The following SPINT1 variants were observed in gnomAD, a reference collection of about 807,000 sequenced individuals.
The protein encoded by SPINT1 is kunitz-type protease inhibitor 1.
In SPINT1, 38 loss-of-function variants were observed where a neutral mutation model predicts 53.7. That is an observed-to-expected ratio of 0.71 (90% CI 0.55 to 0.93). The LOEUF (loss-of-function observed/expected upper bound fraction) is 0.93, where lower values mean the gene tolerates loss of function less well. Ranked by LOEUF, SPINT1 falls within the 40% of genes least tolerant of loss-of-function variation. The pLI is 0.00. For missense variants in SPINT1, 645 were observed against 692.9 expected, an observed-to-expected ratio of 0.93 and a Z score of 0.78; for synonymous variants, 283 against 280.6, an observed-to-expected ratio of 1.01 and a Z score of -0.08.
chr15:40,853,584 G>C lies in SPINT1; in HGVS notation c.699G>C (p.Thr233=). 1 of 1,613,976 alleles carries C rather than the reference G, an allele frequency of 6.2e-7. No individual in the cohort carries two copies. The part of the protein sequence containing the change: ...TVTSSDHPED[T]ANVTVTVLST... Reference sequence around the variant, plus strand: ...CTAGCTCAGACCACCCAGAGGACACGGCCAACGTCACAGTCACTGTGCTGT... The same window carrying C: ...CTAGCTCAGACCACCCAGAGGACACCGCCAACGTCACAGTCACTGTGCTGT... The change falls in exon 4 of 11, where the codon ACG becomes ACC. Residue 233 remains threonine, a synonymous_variant. Coordinates refer to ENST00000562057, the MANE Select transcript of SPINT1 (RefSeq NM_003710.4).
chr15:40,853,614 C>T lies in SPINT1; in HGVS notation c.729C>T (p.Thr243=). Residue 243 remains threonine (T), a synonymous_variant, in exon 4 of 11, where the codon ACC becomes ACT. Coordinates refer to ENST00000562057, the MANE Select transcript of SPINT1 (RefSeq NM_003710.4). ...TANVTVTVLS[T]KQTEDYCLAS... The stretch of plus-strand genomic sequence containing the variant: ...ACGTCACAGTCACTGTGCTGTCCAC[C>T]AAGCAGACAGAAGGTGAGGGAGGGG... 5 of 1,613,986 alleles carry T rather than the reference C, an allele frequency of 3.1e-6. No homozygotes were observed. The highest frequency in any genetic ancestry group is 4.2e-6 in the Non-Finnish European group (5 of 1,179,924).
intron 2 of SPINT1, among the ~76,000 whole-genome samples, chr15:40,848,924 G>T (rs1358329882): frequency 6.7e-6 from 1 of 149,962 alleles, no homozygotes; most frequent in Admixed American, 6.6e-5. Context: ...GTACCTTTTG[G>T]TTTTGGTTTT....
At chr15:40,849,578 A>G (rs1302261969) in intron 2 of SPINT1, among the ~76,000 whole-genome samples, 1 of 152,198 alleles carries the variant, frequency 6.6e-6, no homozygotes, top group Non-Finnish European at 1.5e-5. Context: ...TATTACCTAA[A>G]CTAGAAAAGC....
chr15:40,851,566 A>G (rs1214650161), intron 2 of SPINT1, among the ~76,000 whole-genome samples: 1 of 151,968 alleles, frequency 6.6e-6, no homozygotes, highest in East Asian at 1.9e-4. Context: ...TTATCCCCCT[A>G]GCCTGCCATG....
intron 2 of SPINT1, among the ~76,000 whole-genome samples, chr15:40,848,539 T>C (rs1411755376): frequency 1.3e-5 from 2 of 152,206 alleles, no homozygotes; most frequent in South Asian, 2.1e-4. Flanking sequence ...TATAATTGAA[T>C]ACTGTGATGC....
At chr15:40,845,209 G>A (rs567266762) in intron 2 of SPINT1, among the ~76,000 whole-genome samples, 180 bp downstream of exon 2, 1 of 151,134 alleles carries the variant, frequency 6.6e-6, no homozygotes, top group Non-Finnish European at 1.5e-5. Flanking sequence ...GTGCAATGGC[G>A]CAATCTCTGG....
intron 6 of SPINT1, 118 bp from the exon 7 acceptor site, chr15:40,854,279 T>C: frequency 6.9e-7 from 1 of 1,456,124 alleles, no homozygotes; most frequent in Non-Finnish European, 9.2e-7. Context: ...GGGGCAGGAG[T>C]GGGGTTGGTG....
intron 2 of SPINT1, among the ~76,000 whole-genome samples, chr15:40,849,065 T>G (rs138341632): frequency 0.055 from 8,373 of 151,178 alleles, 363 homozygotes; most frequent in African/African-American, 0.12. Flanking sequence ...GCTAACACGG[T>G]GAAACCCCGT....
Position 40,854,036 on chromosome 15 carries a change from C to T in SPINT1, c.914-24C>T, listed in dbSNP as rs376769889. 3.4e-5 allele frequency: 53 copies of T among 1,567,670 alleles called. No homozygotes were observed. In the African/African-American group the frequency reaches 7.1e-4, roughly 21 times the overall value. ...CCACTGGAGCCTGGTCATGCCTCCTCTCATTCTCTGTTCTCTCTCCCAGGC... is the reference window on the plus strand; with the variant it reads ...CCACTGGAGCCTGGTCATGCCTCCTTTCATTCTCTGTTCTCTCTCCCAGGC... On this transcript the variant is annotated intron_variant, in intron 5 of 10. Coordinates refer to ENST00000562057, the MANE Select transcript of SPINT1 (RefSeq NM_003710.4).
chr15:40,855,826 G>A, intron 8 of SPINT1, 66 bp from the exon 9 acceptor site: 4 of 1,542,822 alleles, frequency 2.6e-6, no homozygotes, highest in Non-Finnish European at 3.5e-6. Flanking sequence ...CAGCCACGTG[G>A]AGCCTAGCAG....
In SPINT1 at chr15:40,854,504, G is replaced by C; in HGVS notation, c.1048G>C (p.Glu350Gln). ...DTPNCPDASD[E>Q]AACEKYTSGF... ...CCCCAACTGCCCCGACGCCTCCGAC[G>C]AGGCTGCCTGTGAAAAATGTGAGGC... The change falls in exon 7 of 11, where the codon GAG becomes CAG. Residue 350 changes from glutamate (E) to glutamine (Q), a missense_variant. By Grantham distance (29) the Glu-to-Gln change is conservative. Coordinates refer to ENST00000562057, the MANE Select transcript of SPINT1 (RefSeq NM_003710.4). 1.9e-6 allele frequency: 3 copies of C among 1,613,432 alleles called. No individual in the cohort carries two copies. Among genetic ancestry groups the C allele is most frequent in the Non-Finnish European group, 2.5e-6 (3 of 1,179,850 alleles).
In SPINT1 at chr15:40,844,259, G is replaced by A. The variant is rs1891195684; in HGVS notation, c.-66+73G>A. On this transcript the variant is annotated intron_variant, in intron 1 of 10. Coordinates refer to ENST00000562057, the MANE Select transcript of SPINT1 (RefSeq NM_003710.4). This position sits in a 1 kb window ranked among gnomAD's most constrained non-coding sequence, Gnocchi z 5.8. ...TGGAGCATGTCCGGCCCTTTGTTCT[G>A]CGCTCGTGCGTGTGTCCGGGTACTT... The A allele has an allele frequency of 1.9e-6, 1 of 521,736 alleles. No homozygotes were observed. The highest frequency in any genetic ancestry group is 3.4e-6 in the Non-Finnish European group (1 of 290,686). 32.3% of individuals were successfully genotyped at this position (521,736 alleles called of 1,614,324 possible). A position where few individuals can be genotyped will look rare whatever the true frequency, so the allele number is the denominator to read the frequency against.
Position 40,855,882 on chromosome 15 carries a change from T to G in SPINT1, c.1118-10T>G. 2.5e-6 allele frequency: 4 copies of G among 1,609,304 alleles called. No individual in the cohort carries two copies. The highest frequency in any genetic ancestry group is 3.4e-6 in the Non-Finnish European group (4 of 1,176,406). On this transcript the variant is annotated splice_polypyrimidine_tract_variant and intron_variant, in intron 8 of 10. Coordinates refer to ENST00000562057, the MANE Select transcript of SPINT1 (RefSeq NM_003710.4). Reference sequence around the variant, plus strand: ...GACTCGCTCACCATAGCCTACCCCATACCCCCCAGGGCACTGCGTGGACCT... The same window carrying G: ...GACTCGCTCACCATAGCCTACCCCAGACCCCCCAGGGCACTGCGTGGACCT...
chr15:40,857,204 A>G lies in SPINT1; in HGVS notation c.*229A>G, dbSNP rs1242319922. On this transcript the variant is annotated 3_prime_UTR_variant, in exon 11 of 11. Transcript: ENST00000562057. ...CCTTGGGCCAGAAGTACCAGACTAG[A>G]TGGACCTGCCTGCATAGGAGTTTGG... 1.6e-6 allele frequency: 1 copy of G among 606,226 alleles called. No homozygotes were observed. The highest frequency in any genetic ancestry group is 2.9e-6 in the Non-Finnish European group (1 of 350,650). 37.6% of individuals were successfully genotyped at this position (606,226 alleles called of 1,614,324 possible).
chr15:40,847,597 C>T (rs1008207619), intron 2 of SPINT1, among the ~76,000 whole-genome samples: 1 of 152,154 alleles, frequency 6.6e-6, no homozygotes, highest in South Asian at 2.1e-4. Flanking sequence ...GCGGAGTCTG[C>T]ACTTCCCTGA....
At chr15:40,846,543 CA>C (rs1273324663) in intron 2 of SPINT1, among the ~76,000 whole-genome samples, 1 of 152,010 alleles carries the variant, frequency 6.6e-6, no homozygotes, top group Admixed American at 6.6e-5. Context: ...GGGAGACCTC[CA>C]AAAAAAGTCC....
At chr15:40,847,063 T>C (rs1386552707) in intron 2 of SPINT1, among the ~76,000 whole-genome samples, 1 of 152,202 alleles carries the variant, frequency 6.6e-6, no homozygotes, top group East Asian at 1.9e-4. Context: ...AGCTGGACTA[T>C]GGCCCCATGG....
rs770500676 is a variant in SPINT1 at position 40,856,813 on chromosome 15, TGTG to T, written c.1389_1391del (p.Val464del). 9.9e-6 allele frequency: 16 copies of T among 1,614,078 alleles called. No homozygotes were observed. In the Admixed American group the frequency reaches 1.2e-4, roughly 12 times the overall value. On this transcript the variant is annotated inframe_deletion, in exon 11 of 11. Coordinates refer to ENST00000562057, the MANE Select transcript of SPINT1 (RefSeq NM_003710.4). Reference sequence around the variant, plus strand: ...TCGCAGTGTTCCTGGTCATCTGCATTGTGGTGGTGGTAGCCATCTTGGGTTACT... The same window carrying T: ...TCGCAGTGTTCCTGGTCATCTGCATTGTGGTGGTAGCCATCTTGGGTTACT...
At chr15:40,845,532 G>A (rs1298695971) in intron 2 of SPINT1, among the ~76,000 whole-genome samples, 4 of 151,994 alleles carry the variant, frequency 2.6e-5, no homozygotes, top group Admixed American at 6.6e-5. Context: ...CAGCCAGATC[G>A]CCTTCACATC....
Sources: allele counts gnomAD v4.1 joint callset (sites outside exome capture counted in the v4.1 genomes callset), GRCh38; gene constraint gnomAD v4.1.1; non-coding constraint Gnocchi (gnomAD v3.1); transcripts MANE v1.5; gene names NCBI Gene and HGNC (gene_info 2026-07-23, HGNC 2026-07-21).